The following COL14A1 variants were observed in gnomAD, a reference collection of about 807,000 sequenced individuals.
The protein encoded by COL14A1 is collagen alpha-1(XIV) chain.
A neutral mutation model predicts 230.3 loss-of-function variants in COL14A1; 136 were observed. The observed-to-expected ratio is 0.59, with a 90% CI of 0.51 to 0.68. COL14A1 has a LOEUF of 0.68. Ranked by LOEUF, COL14A1 falls within the 30% of genes least tolerant of loss-of-function variation. The probability of loss-of-function intolerance (pLI) is 0.00; values close to 1 mark genes in which losing one functional copy is unlikely to be tolerated. For missense variants in COL14A1, 1,976 were observed against 2,215.8 expected (o/e 0.89, Z 2.17); for synonymous variants, 792 against 784.1 (o/e 1.01, Z -0.17).
intron 42 of COL14A1, among the ~76,000 whole-genome samples, chr8:120,335,965 A>T (rs1213445862): frequency 6.6e-6 from 1 of 152,174 alleles, no homozygotes; most frequent in Non-Finnish European, 1.5e-5. Flanking sequence ...CCCTGACATG[A>T]CTCAAAGTAG....
Position 120,250,598 on chromosome 8 carries a change from T to C in COL14A1, c.2603-19T>C. On this transcript the variant is annotated intron_variant, in intron 21 of 47. Coordinates refer to ENST00000297848, the MANE Select transcript of COL14A1 (RefSeq NM_021110.4). ...CCCATATTTTGTTGTAACTAAAATA[T>C]ATCCTCTTTCTTCTTTAGTTCCTGG... 6.2e-7 allele frequency: 1 copy of C among 1,613,834 alleles called. No homozygotes were observed. The highest frequency in any genetic ancestry group is 8.5e-7 in the Non-Finnish European group (1 of 1,179,752).
Position 120,280,964 on chromosome 8 carries a change from T to C in COL14A1, c.3729T>C (p.Phe1243=). 1 of 1,611,540 alleles carries C rather than the reference T, an allele frequency of 6.2e-7. No individual in the cohort carries two copies. Among genetic ancestry groups the C allele is most frequent in the Non-Finnish European group, 8.5e-7 (1 of 1,178,688 alleles). ...MEMFGLVEKD[F]SSVEGVSMEP... ...TGTTTGGTTTGGTTGAAAAAGATTT[T>C]TCATCAGTGGAAGGGGTTTCTATGG... The change falls in exon 31 of 48, where the codon TTT becomes TTC. Residue 1243 remains phenylalanine (F), a synonymous_variant. Coordinates refer to ENST00000297848, the MANE Select transcript of COL14A1 (RefSeq NM_021110.4).
chr8:120,241,280 G>C (rs1293552943), intron 19 of COL14A1, among the ~76,000 whole-genome samples: 1 of 152,146 alleles, frequency 6.6e-6, no homozygotes, highest in Non-Finnish European at 1.5e-5. Context: ...GAATTAAAAT[G>C]ACACCACCAC....
At chr8:120,216,142 T>C (rs1252016922) in intron 13 of COL14A1, among the ~76,000 whole-genome samples, 1 of 152,210 alleles carries the variant, frequency 6.6e-6, no homozygotes, top group South Asian at 2.1e-4. Flanking sequence ...ATTACTGCTA[T>C]TTATTCTCTA....
At chr8:120,224,233 G>T (rs2130798999) in intron 14 of COL14A1, among the ~76,000 whole-genome samples, 1 of 151,872 alleles carries the variant, frequency 6.6e-6, no homozygotes, top group South Asian at 2.1e-4. Flanking sequence ...CACCATGTTG[G>T]CCAGGCTGGT....
At chr8:120,124,708 G>A (rs1289429181), upstream of COL14A1, among the ~76,000 whole-genome samples, 1 of 152,200 alleles carries the variant, frequency 6.6e-6, no homozygotes, top group African/African-American at 2.4e-5. Context: ...CAGGGTCTTT[G>A]ACGCGGGAAG....
intron 21 of COL14A1, 126 bp from the exon 22 acceptor site, chr8:120,250,491 C>A: frequency 9.9e-7 from 1 of 1,005,518 alleles, no homozygotes; most frequent in East Asian, 2.6e-5. Context: ...AACCTCAACC[C>A]TGCTGTCTGC....
chr8:120,314,083 T>A, intron 38 of COL14A1, 56 bp downstream of exon 38: 1 of 1,274,712 alleles, frequency 7.8e-7, no homozygotes, highest in Non-Finnish European at 1.1e-6. Flanking sequence ...TTCCATGAGG[T>A]TACAAAGAAT....
rs148407881 is a variant in COL14A1 at position 120,228,557 on chromosome 8, A to G, written c.2138-153A>G. The stretch of plus-strand genomic sequence containing the variant: ...TGGCACAGGTATGTCTGCCTTACTT[A>G]CAATTCATTTCTTTCGTCTTCTAAC... On this transcript the variant is annotated intron_variant, in intron 17 of 47. Transcript: ENST00000297848. 9.6e-3 allele frequency among the ~76,000 whole-genome samples: 1,467 copies of G among 152,312 alleles called. 21 individuals are homozygous for G. Among genetic ancestry groups the G allele is most frequent in the African/African-American group, 0.034 (1,406 of 41,564 alleles).
chr8:120,264,286 A>T (rs1205971649), intron 24 of COL14A1, among the ~76,000 whole-genome samples: 1 of 152,140 alleles, frequency 6.6e-6, no homozygotes, highest in Non-Finnish European at 1.5e-5. Context: ...AGATTGTGTC[A>T]GTAGTTTGTT....
In COL14A1 at chr8:120,165,563, C is replaced by T. The variant is rs115309729; in HGVS notation, c.350-2598C>T. On this transcript the variant is annotated intron_variant, in intron 4 of 47. Coordinates refer to ENST00000297848, the MANE Select transcript of COL14A1 (RefSeq NM_021110.4). ...AGTACAGCATGGTAGCTATTGTTGT[C>T]GTAAGAAATACCATTTTGCTTGTAA... Among the ~76,000 whole-genome samples the T allele has an allele frequency of 6.2e-3, 941 of 152,170 alleles. 13 individuals carry two copies. Among genetic ancestry groups the T allele is most frequent in the African/African-American group, 0.021 (861 of 41,508 alleles).
intron 7 of COL14A1, 58 bp downstream of exon 7, chr8:120,197,988 AC>A: frequency 2.6e-6 from 4 of 1,556,298 alleles, no homozygotes; most frequent in Non-Finnish European, 3.5e-6. Context: ...TAATTGTATT[AC>A]CTCATTTTGC....
intron 45 of COL14A1, among the ~76,000 whole-genome samples, chr8:120,361,946 A>G (rs1272742748): frequency 6.6e-6 from 1 of 152,240 alleles, no homozygotes; most frequent in Non-Finnish European, 1.5e-5. Context: ...ATGAATTCCA[A>G]ATCTTGCTCA....
chr8:120,250,787 C>T (rs199972584), intron 22 of COL14A1, 21 bp downstream of exon 22: 13 of 1,613,112 alleles, frequency 8.1e-6, no homozygotes, highest in Middle Eastern at 1.7e-4. Context: ...TTTCCGATGG[C>T]CTCAGCCGCA....
At chr8:120,144,894 A>G (rs997606155) in intron 1 of COL14A1, among the ~76,000 whole-genome samples, 3 of 152,142 alleles carry the variant, frequency 2.0e-5, no homozygotes, top group Non-Finnish European at 4.4e-5. Flanking sequence ...CATTTTACCC[A>G]TGACACTGAA....
chr8:120,341,422 C>T, intron 43 of COL14A1, 62 bp downstream of exon 43: 1 of 1,522,780 alleles, frequency 6.6e-7, no homozygotes, highest in Non-Finnish European at 9.1e-7. Flanking sequence ...ATTGCATAAG[C>T]CTGATAAAGG....
At chr8:120,127,767 C>T (rs1814392325) in intron 1 of COL14A1, among the ~76,000 whole-genome samples, 1 of 152,206 alleles carries the variant, frequency 6.6e-6, no homozygotes, top group South Asian at 2.1e-4. Context: ...TGTAAAGCCA[C>T]ATTCGCAGTC....
intron 36 of COL14A1, among the ~76,000 whole-genome samples, chr8:120,306,051 C>T (rs1820849998): frequency 1.3e-5 from 2 of 152,128 alleles, no homozygotes; most frequent in Admixed American, 1.3e-4. Context: ...CTTGTGTGAA[C>T]TCTAAAACAT....
At chr8:120,162,302 A>C (rs1815704332) in intron 3 of COL14A1, 124 bp from the exon 4 acceptor site, 1 of 698,258 alleles carries the variant, frequency 1.4e-6, no homozygotes, top group Non-Finnish European at 2.3e-6. Flanking sequence ...AAATATATAC[A>C]ATAAAACACA....
Sources: allele counts gnomAD v4.1 joint callset (sites outside exome capture counted in the v4.1 genomes callset), GRCh38; gene constraint gnomAD v4.1.1; transcripts MANE v1.5; gene names NCBI Gene and HGNC (gene_info 2026-07-23, HGNC 2026-07-21).